The following PRRC1 variants were observed in gnomAD, a reference collection of about 807,000 sequenced individuals.
PRRC1 encodes the protein proline rich coiled-coil 1.
PRRC1 carries 39 observed loss-of-function variants against 40.7 expected under a neutral mutation model. The observed-to-expected ratio is 0.96, with a 90% confidence interval of 0.74 to 1.25. The LOEUF is 1.25. PRRC1 is among the 50% of genes most tolerant of loss of function. The pLI is 0.00. For missense variants in PRRC1, 573 were observed against 548.3 expected, an observed-to-expected ratio of 1.05 and a Z score of -0.45; for synonymous variants, 175 against 193.3, an observed-to-expected ratio of 0.91 and a Z score of 0.79.
chr5:127,542,039 T>C (rs570477716), intron 7 of PRRC1, among the ~76,000 whole-genome samples: 72 of 152,348 alleles, frequency 4.7e-4, no homozygotes, highest in African/African-American at 1.7e-3. Context: ...CTCTACACAC[T>C]GCTTTGAATG....
intron 4 of PRRC1, 90 bp from the exon 5 acceptor site, chr5:127,530,204 A>T: frequency 9.4e-7 from 1 of 1,059,684 alleles, no homozygotes; most frequent in Non-Finnish European, 1.4e-6. Context: ...GATGCATTGG[A>T]AACTTTTAAA....
intron 1 of PRRC1, among the ~76,000 whole-genome samples, chr5:127,519,741 C>A (rs1415803869): frequency 1.3e-5 from 2 of 152,220 alleles, no homozygotes; most frequent in Non-Finnish European, 2.9e-5. Context: ...ACTATCAGTA[C>A]ACTGATGACA....
chr5:127,535,765 A>C (rs1767884550), intron 6 of PRRC1, among the ~76,000 whole-genome samples: 1 of 152,154 alleles, frequency 6.6e-6, no homozygotes, highest in Non-Finnish European at 1.5e-5. Context: ...AAAGCATTAG[A>C]ATGAGGTAAT....
chr5:127,533,801 A>AC lies in PRRC1; in HGVS notation c.921+17dup. On this transcript the variant is annotated intron_variant, in intron 6 of 8. Coordinates refer to ENST00000296666, the MANE Select transcript of PRRC1 (RefSeq NM_130809.5). The stretch of plus-strand genomic sequence containing the variant: ...CTGGATTAAAAGTGAGTAACAGAAC[A>AC]CCATTTTCAGGACATGGAAACTGGC... 6.2e-7 allele frequency: 1 copy of AC among 1,613,578 alleles called. No homozygotes were observed. Among genetic ancestry groups the AC allele is most frequent in the Non-Finnish European group, 8.5e-7 (1 of 1,179,534 alleles).
At position 127,553,773 on chromosome 5, in the gene PRRC1, TCA is replaced by T; in HGVS notation, c.*1860_*1861del. ...TGTTTTGAGAATTGTTCTCATAGAA[TCA>T]CAAATACTGACATTTCATTAGATGA... is the stretch of plus-strand genomic sequence containing the variant. On this transcript the variant is annotated 3_prime_UTR_variant, in exon 9 of 9. Coordinates refer to ENST00000296666, the MANE Select transcript of PRRC1 (RefSeq NM_130809.5). The T allele has an allele frequency of 6.5e-7, 1 of 1,534,206 alleles. No individual in the cohort carries two copies. Among genetic ancestry groups the T allele is most frequent in the Non-Finnish European group, 8.7e-7 (1 of 1,145,932 alleles).
chr5:127,551,507 A>T (rs968711664), intron 8 of PRRC1, 200 bp from the exon 9 acceptor site: 42 of 571,160 alleles, frequency 7.4e-5, no homozygotes, highest in East Asian at 4.5e-4. Context: ...GATATTTTTT[A>T]AAAAATAGAT....
chr5:127,521,378 T>TA (rs1767453494), intron 1 of PRRC1, among the ~76,000 whole-genome samples: 1 of 151,690 alleles, frequency 6.6e-6, no homozygotes, highest in African/African-American at 2.4e-5. Flanking sequence ...CTCTGGCTCA[T>TA]ACCCCTGCTC....
At chr5:127,550,689 G>A (rs1398067398) in intron 8 of PRRC1, 1 of 152,208 alleles carries the variant, frequency 6.6e-6, no homozygotes, top group Non-Finnish European at 1.5e-5. Flanking sequence ...TCATAGGCAT[G>A]CCATAATTTG....
At chr5:127,536,269 C>G (rs892246658) in intron 6 of PRRC1, among the ~76,000 whole-genome samples, 11 of 148,944 alleles carry the variant, frequency 7.4e-5, no homozygotes, top group Admixed American at 3.4e-4. Flanking sequence ...TAACTGACGG[C>G]TGTAGGGTTT....
chr5:127,533,649 G>C lies in PRRC1; in HGVS notation c.784G>C (p.Val262Leu), dbSNP rs769000472. 1 of 1,614,034 alleles carries C rather than the reference G, an allele frequency of 6.2e-7. No homozygotes were observed. Among genetic ancestry groups the C allele is most frequent in the Non-Finnish European group, 8.5e-7 (1 of 1,179,932 alleles). Residue 262 changes from valine (V) to leucine (L), a missense_variant, in exon 6 of 9, where the codon GTG becomes CTG. Physicochemically the swap from Val to Leu is conservative, Grantham distance 32. Coordinates refer to ENST00000296666, the MANE Select transcript of PRRC1 (RefSeq NM_130809.5). ...IKSGGELDIV[V>L]TSNKEVKVAA... Reference sequence around the variant, plus strand: ...ATCTGGAGGTGAACTGGATATTGTAGTGACCTCAAATAAAGAAGTAAAAGT... The same window carrying C: ...ATCTGGAGGTGAACTGGATATTGTACTGACCTCAAATAAAGAAGTAAAAGT...
Position 127,547,939 on chromosome 5 carries a change from C to T in PRRC1, c.1128+18C>T. ...TACAGCAGGTTGGTTTTCTCCTTTG[C>T]TTTTTCATTATGCTCCAGAGAAACT... On this transcript the variant is annotated intron_variant, in intron 8 of 8. Coordinates refer to ENST00000296666, the MANE Select transcript of PRRC1 (RefSeq NM_130809.5). 1 of 1,500,040 alleles carries T rather than the reference C, an allele frequency of 6.7e-7. No individual in the cohort carries two copies. The allele number at this position is 1,500,040 out of a possible 1,614,324, so 92.9% of individuals were successfully genotyped here. A position where few individuals can be genotyped will look rare whatever the true frequency, so the allele number is the denominator to read the frequency against.
intron 8 of PRRC1, chr5:127,549,817 G>A (rs1233692211): frequency 1.3e-5 from 2 of 152,178 alleles, no homozygotes; most frequent in African/African-American, 4.8e-5. Flanking sequence ...TTGCAACAGA[G>A]AATGTCTGGC....
chr5:127,552,534 T>C lies in PRRC1; in HGVS notation c.*618T>C. The C allele has an allele frequency of 1.0e-6, 1 of 985,782 alleles. No individual in the cohort carries two copies. The highest frequency in any genetic ancestry group is 1.1e-4 in the East Asian group (1 of 8,822). 61.1% of individuals were successfully genotyped at this position (985,782 alleles called of 1,614,324 possible). Reference sequence around the variant, plus strand: ...CGTACACATGTAATCTGGAAAATCATACCTTTGTCAATTTTAAACATAACT... The same window carrying C: ...CGTACACATGTAATCTGGAAAATCACACCTTTGTCAATTTTAAACATAACT... On this transcript the variant is annotated 3_prime_UTR_variant, in exon 9 of 9. Coordinates refer to ENST00000296666, the MANE Select transcript of PRRC1 (RefSeq NM_130809.5).
In PRRC1 at chr5:127,554,130, C is replaced by A; in HGVS notation, c.*2214C>A. ...ACTCATCATCTCTAACACACCATGG[C>A]AGCTTAGCCAGGTAGTCTTAGTGGT... On this transcript the variant is annotated 3_prime_UTR_variant, in exon 9 of 9. Coordinates refer to ENST00000296666, the MANE Select transcript of PRRC1 (RefSeq NM_130809.5). The A allele has an allele frequency of 2.6e-6, 1 of 391,254 alleles. No individual in the cohort carries two copies. Among genetic ancestry groups the A allele is most frequent in the Non-Finnish European group, 4.6e-6 (1 of 218,470 alleles). 24.2% of individuals were successfully genotyped at this position (391,254 alleles called of 1,614,324 possible).
chr5:127,537,533 CTAAT>C (rs1217247231), intron 6 of PRRC1, among the ~76,000 whole-genome samples: 7 of 151,854 alleles, frequency 4.6e-5, no homozygotes, highest in South Asian at 2.1e-4. Context: ...CTTGCAGGAA[CTAAT>C]TAATTTTAAT....
At position 127,525,868 on chromosome 5, in the gene PRRC1, TTTTTAAG is replaced by T. The variant is rs1378026486; in HGVS notation, c.494-744_494-738del. 2.0e-5 allele frequency among the ~76,000 whole-genome samples: 3 copies of T among 152,212 alleles called. No individual in the cohort carries two copies. In the East Asian group the frequency reaches 5.8e-4, roughly 29 times the overall value. On this transcript the variant is annotated intron_variant, in intron 3 of 8. Transcript: ENST00000296666. ...GAAATTTAAAGGTGAAGTCTGAGTT[TTTTTAAG>T]TTTTACTGAAAAAATTATCAGGACT... is the stretch of plus-strand genomic sequence containing the variant.
chr5:127,525,056 T>C, intron 3 of PRRC1, 136 bp downstream of exon 3: 2 of 924,776 alleles, frequency 2.2e-6, no homozygotes, highest in Non-Finnish European at 3.1e-6. Flanking sequence ...CCATAGTTAG[T>C]TTACATCAGA....
intron 4 of PRRC1, among the ~76,000 whole-genome samples, chr5:127,529,833 C>CAGT (rs1767717954): frequency 6.6e-6 from 1 of 152,102 alleles, no homozygotes. Flanking sequence ...TAATAAGTAA[C>CAGT]TGTTCTGCCC....
In PRRC1 at chr5:127,552,460, T is replaced by G. The variant is rs1768419789; in HGVS notation, c.*544T>G. 1 of 986,974 alleles carries G rather than the reference T, an allele frequency of 1.0e-6. No individual in the cohort carries two copies. The highest frequency in any genetic ancestry group is 1.7e-5 in the African/African-American group (1 of 57,240). 61.1% of individuals were successfully genotyped at this position (986,974 alleles called of 1,614,324 possible). On this transcript the variant is annotated 3_prime_UTR_variant, in exon 9 of 9. Transcript: ENST00000296666. ...TCCACATTTCTGTGCATGTTTTCAG[T>G]AATATGGGCCAAAATAATGGAATTG...
Sources: gnomAD v4.1 joint callset for allele counts (sites outside exome capture counted in the v4.1 genomes callset) on GRCh38, gnomAD v4.1.1 for gene constraint, MANE v1.5 for transcripts, NCBI Gene and HGNC (gene_info 2026-07-23, HGNC 2026-07-21) for gene names.